Variants in WWOX observed in about 807,000 individuals in gnomAD.
WWOX encodes the protein WW domain containing oxidoreductase, also known as WW domain-containing oxidoreductase.
In WWOX, 69 loss-of-function variants were observed where a neutral mutation model predicts 46.2. The observed-to-expected ratio is 1.49, with a 90% CI of 1.23 to 1.82. WWOX has a LOEUF of 1.82. Ranked by LOEUF, WWOX falls within the 40% of genes most tolerant of loss-of-function variation. The probability of loss-of-function intolerance (pLI) is 0.00; values close to 1 mark genes in which losing one functional copy is unlikely to be tolerated. For synonymous variants in WWOX, 359 were observed against 202.6 expected, an observed-to-expected ratio of 1.77 and a Z score of -6.56; for missense variants, 919 against 542.6, an observed-to-expected ratio of 1.69 and a Z score of -6.89.
At chr16:78,440,641 G>C (rs540099019) in intron 8 of WWOX, among the ~76,000 whole-genome samples, 2 of 150,492 alleles carry the variant, frequency 1.3e-5, no homozygotes, top group African/African-American at 4.9e-5. Context: ...TTTTGAGACG[G>C]AGTGTCTCTC....
chr16:78,750,998 A>G (rs1185534840), intron 8 of WWOX, among the ~76,000 whole-genome samples: 2 of 152,100 alleles, frequency 1.3e-5, no homozygotes, highest in African/African-American at 4.8e-5. Flanking sequence ...TTTCCTTTGA[A>G]TGTATACCCA....
chr16:78,255,558 G>T (rs954492991), intron 5 of WWOX, among the ~76,000 whole-genome samples: 26 of 152,088 alleles, frequency 1.7e-4, no homozygotes, highest in African/African-American at 6.0e-4. Context: ...ACTATAGGGG[G>T]CATGTTTACT....
chr16:78,970,925 C>G (rs2046456556), intron 8 of WWOX, among the ~76,000 whole-genome samples: 1 of 152,074 alleles, frequency 6.6e-6, no homozygotes, highest in African/African-American at 2.4e-5. Context: ...CTATGGTGGT[C>G]TCTGTTTTGC....
chr16:78,131,246 T>A (rs1386742020), intron 4 of WWOX, among the ~76,000 whole-genome samples: 1 of 152,176 alleles, frequency 6.6e-6, no homozygotes, highest in African/African-American at 2.4e-5. Context: ...AGGGTCTTGC[T>A]CTGTTACCCA....
In WWOX at chr16:79,120,115, A is replaced by T. The variant is rs969475976; in HGVS notation, c.1057-91493A>T. Among the ~76,000 whole-genome samples the T allele has an allele frequency of 4.6e-5, 7 of 152,148 alleles. 1 individual carries two copies. The highest frequency in any genetic ancestry group is 1.3e-4 in the Admixed American group (2 of 15,280). On this transcript the variant is annotated intron_variant, in intron 8 of 8. Transcript: ENST00000566780. ...TTCACTTAACATCCTGCCGTTAATG[A>T]CCTCCACCTGGCAACCTTTATTTAA...
chr16:78,571,013 G>C (rs1271613096), intron 8 of WWOX, among the ~76,000 whole-genome samples: 2 of 152,188 alleles, frequency 1.3e-5, no homozygotes, highest in African/African-American at 4.8e-5. Context: ...ATGTTGCCCA[G>C]ATGACTTGTT....
intron 8 of WWOX, among the ~76,000 whole-genome samples, chr16:79,043,383 T>C (rs1354144103): frequency 6.6e-6 from 1 of 152,180 alleles, no homozygotes; most frequent in East Asian, 1.9e-4. Context: ...ATTTGTTCTT[T>C]GTGGATTCTG....
At chr16:78,202,005 T>G (rs1198178491) in intron 5 of WWOX, among the ~76,000 whole-genome samples, 1 of 152,014 alleles carries the variant, frequency 6.6e-6, no homozygotes, top group Non-Finnish European at 1.5e-5. Context: ...ACACCCAGCC[T>G]TCCTTTTGTT....
chr16:78,676,603 A>C (rs1597431469), intron 8 of WWOX, among the ~76,000 whole-genome samples: 1 of 152,150 alleles, frequency 6.6e-6, no homozygotes, highest in Non-Finnish European at 1.5e-5. Context: ...GCTCAGTGCA[A>C]GGTTTTATTA....
At chr16:78,967,800 G>C (rs1449633334) in intron 8 of WWOX, among the ~76,000 whole-genome samples, 1 of 152,052 alleles carries the variant, frequency 6.6e-6, no homozygotes, top group African/African-American at 2.4e-5. Flanking sequence ...TTTGGGGTGT[G>C]TAAGAGTAGG....
chr16:78,303,243 C>G (rs183403452), intron 5 of WWOX, among the ~76,000 whole-genome samples: 3 of 152,086 alleles, frequency 2.0e-5, no homozygotes, highest in Non-Finnish European at 2.9e-5. Flanking sequence ...AATTCTTTTT[C>G]TGATAGACAA....
At chr16:79,196,926 A>T (rs1312264745) in intron 8 of WWOX, among the ~76,000 whole-genome samples, 1 of 152,146 alleles carries the variant, frequency 6.6e-6, no homozygotes, top group East Asian at 1.9e-4. Context: ...AGCATCTTTC[A>T]ATTCCTTGAA....
chr16:78,467,584 ACT>A (rs887624014), intron 8 of WWOX, among the ~76,000 whole-genome samples: 1 of 152,188 alleles, frequency 6.6e-6, no homozygotes, highest in Admixed American at 6.5e-5. Flanking sequence ...GACTTTGAAA[ACT>A]CGGGGATAAT....
At chr16:78,778,266 C>G (rs1191391887) in intron 8 of WWOX, among the ~76,000 whole-genome samples, 2 of 152,058 alleles carry the variant, frequency 1.3e-5, no homozygotes, top group African/African-American at 2.4e-5. Flanking sequence ...TTGTGGAGCT[C>G]TTGGCAATAC....
chr16:78,952,086 A>T (rs930202686), intron 8 of WWOX, among the ~76,000 whole-genome samples: 4 of 152,104 alleles, frequency 2.6e-5, no homozygotes, highest in Non-Finnish European at 5.9e-5. Flanking sequence ...CCCTCGACCC[A>T]GTGACCTAGC....
intron 8 of WWOX, among the ~76,000 whole-genome samples, chr16:78,966,028 T>C (rs1477153157): frequency 1.3e-5 from 2 of 152,196 alleles, no homozygotes; most frequent in Non-Finnish European, 1.5e-5. Flanking sequence ...CTCCAGGTGC[T>C]ATCTGTGTGC....
In WWOX at chr16:78,162,317, C is replaced by G. The variant is rs2034821052; in HGVS notation, c.410-1866C>G. On this transcript the variant is annotated intron_variant, in intron 4 of 8. Transcript: ENST00000566780. ...CTATCAGTCTTGTAGCTACTGGTCT[C>G]TAACTACTTCTAAAACTATCTGCAG... Among the ~76,000 whole-genome samples the G allele has an allele frequency of 3.3e-5, 5 of 152,120 alleles. 1 individual carries two copies. Among genetic ancestry groups the G allele is most frequent in the Admixed American group, 1.3e-4 (2 of 15,282 alleles).
chr16:78,609,275 G>T (rs555838266), intron 8 of WWOX, among the ~76,000 whole-genome samples: 1 of 152,082 alleles, frequency 6.6e-6, no homozygotes, highest in Admixed American at 6.5e-5. Flanking sequence ...TTATTTTTTT[G>T]TTCTGGTTTT....
At chr16:78,603,492 C>A (rs1440211528) in intron 8 of WWOX, among the ~76,000 whole-genome samples, 1 of 152,112 alleles carries the variant, frequency 6.6e-6, no homozygotes, top group African/African-American at 2.4e-5. Flanking sequence ...GCCAGGAGTT[C>A]GAGACCAGCC....
Sources: gnomAD v4.1 joint callset for allele counts (sites outside exome capture counted in the v4.1 genomes callset) on GRCh38, gnomAD v4.1.1 for gene constraint, MANE v1.5 for transcripts, NCBI Gene and HGNC (gene_info 2026-07-23, HGNC 2026-07-21) for gene names.